Variants in KCNK9 observed in about 807,000 individuals in gnomAD.
KCNK9 encodes potassium channel subfamily K member 9.
A neutral mutation model predicts 10.8 loss-of-function variants in KCNK9; 1 was observed. The ratio of observed to expected loss-of-function variants is 0.09; its 90% CI spans 0.03 to 0.44. The LOEUF (loss-of-function observed/expected upper bound fraction) is 0.44. Ranked by LOEUF, KCNK9 falls within the 20% of genes least tolerant of loss-of-function variation. KCNK9 has a pLI of 0.97. For synonymous variants in KCNK9, 231 were observed against 222.7 expected (o/e 1.04, Z -0.33); for missense variants, 303 against 515.0 (o/e 0.59, Z 3.98).
Position 139,702,810 on chromosome 8 carries a change from C to T in KCNK9, c.183G>A (p.Gln61=). ...CCGACTGCAGGATCACCAGCTCCAG[C>T]TGCCGGTAGTCCTCGCTGCTGATGT... ...KYNISSEDYR[Q]LELVILQSEP... The change falls in exon 1 of 2, where the codon CAG becomes CAA. Residue 61 remains glutamine, a synonymous_variant. Transcript: ENST00000520439. This position sits in a 1 kb window ranked among gnomAD's most constrained non-coding sequence, Gnocchi z 7.5. 6.2e-7 allele frequency: 1 copy of T among 1,614,006 alleles called. No individual in the cohort carries two copies. Among genetic ancestry groups the T allele is most frequent in the Non-Finnish European group, 8.5e-7 (1 of 1,179,976 alleles).
At chr8:139,621,854 A>G (rs1456889672) in intron 1 of KCNK9, among the ~76,000 whole-genome samples, 1 of 152,208 alleles carries the variant, frequency 6.6e-6, no homozygotes, top group African/African-American at 2.4e-5. Context: ...ATGCTGGAGA[A>G]TAACAGGAGG....
chr8:139,698,243 C>A (rs939455465), intron 1 of KCNK9, among the ~76,000 whole-genome samples: 5 of 152,104 alleles, frequency 3.3e-5, no homozygotes, highest in African/African-American at 9.7e-5. Flanking sequence ...TGAGTGCATG[C>A]GTGTGGAGGC....
intron 1 of KCNK9, among the ~76,000 whole-genome samples, chr8:139,668,714 G>A (rs575720264): frequency 4.1e-4 from 63 of 152,326 alleles, no homozygotes; most frequent in Non-Finnish European, 7.1e-4. Context: ...GAGCCACCGC[G>A]CCCGTCGTGT....
At chr8:139,668,807 T>C (rs922029981) in intron 1 of KCNK9, among the ~76,000 whole-genome samples, 1 of 152,226 alleles carries the variant, frequency 6.6e-6, no homozygotes, top group Non-Finnish European at 1.5e-5. Context: ...CGTGGTGATC[T>C]TGAACTGAGC....
intron 1 of KCNK9, among the ~76,000 whole-genome samples, chr8:139,698,228 G>A (rs1390975922): frequency 1.3e-5 from 2 of 152,140 alleles, no homozygotes; most frequent in East Asian, 3.9e-4. Flanking sequence ...GTAAAGTGGG[G>A]GAGGTGAGTG....
chr8:139,638,874 A>C (rs1366139796), intron 1 of KCNK9, among the ~76,000 whole-genome samples: 6 of 152,206 alleles, frequency 3.9e-5, no homozygotes, highest in Admixed American at 2.6e-4. Flanking sequence ...AGAACGCAGG[A>C]GGCCTGGAGC....
intron 1 of KCNK9, among the ~76,000 whole-genome samples, chr8:139,670,294 AG>A (rs1816396967): frequency 6.6e-6 from 1 of 152,238 alleles, no homozygotes; most frequent in African/African-American, 2.4e-5. Flanking sequence ...ATAATGAAAA[AG>A]TTTGAAATAG....
rs146346262 is a variant in KCNK9 at position 139,665,908 on chromosome 8, G to A, written c.283+36802C>T. Among the ~76,000 whole-genome samples, 12 of 152,294 alleles carry A rather than the reference G, an allele frequency of 7.9e-5. No homozygotes were observed. In the East Asian group the frequency reaches 1.5e-3, roughly 20 times the overall value. ...GCCCACAAATGGCGTCAGTGTGGCC[G>A]AGCCTGAGAAGCTCAGCCCTAGAAC... On this transcript the variant is annotated intron_variant, in intron 1 of 1. Coordinates refer to ENST00000520439, the MANE Select transcript of KCNK9 (RefSeq NM_001282534.2).
At chr8:139,633,688 G>C (rs998847778) in intron 1 of KCNK9, among the ~76,000 whole-genome samples, 1 of 152,222 alleles carries the variant, frequency 6.6e-6, no homozygotes, top group Non-Finnish European at 1.5e-5. Context: ...GCAGAGCAGA[G>C]TGGAAAAACC....
At chr8:139,684,702 A>G (rs1816754035) in intron 1 of KCNK9, among the ~76,000 whole-genome samples, 1 of 152,220 alleles carries the variant, frequency 6.6e-6, no homozygotes, top group Non-Finnish European at 1.5e-5. Context: ...ATAAAACTAA[A>G]ATTGTCAGAA....
intron 1 of KCNK9, among the ~76,000 whole-genome samples, chr8:139,697,975 C>T (rs1817103434): frequency 6.6e-6 from 1 of 152,192 alleles, no homozygotes; most frequent in Admixed American, 6.5e-5. Context: ...GGAGGCCCCA[C>T]TCCTCTGGGC....
At chr8:139,699,101 A>G (rs746526712) in intron 1 of KCNK9, among the ~76,000 whole-genome samples, 5 of 152,190 alleles carry the variant, frequency 3.3e-5, no homozygotes, top group Admixed American at 1.3e-4. Context: ...CCCGATTTCA[A>G]ATTGTCCTCT....
At chr8:139,662,392 C>T (rs1316333481) in intron 1 of KCNK9, among the ~76,000 whole-genome samples, 9 of 152,082 alleles carry the variant, frequency 5.9e-5, no homozygotes, top group South Asian at 4.2e-4. Context: ...CAGTGTGAGG[C>T]GAAGGGGGAC....
In KCNK9 at chr8:139,618,399, G is replaced by C; in HGVS notation, c.984C>G (p.His328Gln). ...TCTCCTCGATCTTGTAAGAGATGGA[G>C]TGGAAGTAGTGGGGGGCAAGCTTGG... ...FSAKLAPHYFHSISYKIEEIS... is the reference protein window; with the variant it reads ...FSAKLAPHYFQSISYKIEEIS... The change falls in exon 2 of 2, where the codon CAC (histidine) becomes CAG (glutamine). Residue 328 changes from histidine to glutamine, a missense_variant. Physicochemically the swap from His to Gln is conservative, Grantham distance 24. Around this residue, in one of 5 missense-constraint regions of KCNK9, gnomAD observed 138 missense variants for 161.1 expected, o/e 0.86. Transcript: ENST00000520439. This position sits in a 1 kb window ranked among gnomAD's most constrained non-coding sequence, Gnocchi z 7.9. 1.9e-6 allele frequency: 3 copies of C among 1,614,164 alleles called. No individual in the cohort carries two copies. The highest frequency in any genetic ancestry group is 2.5e-6 in the Non-Finnish European group (3 of 1,180,042).
At chr8:139,636,793 C>T (rs1161126187) in intron 1 of KCNK9, among the ~76,000 whole-genome samples, 2 of 152,164 alleles carry the variant, frequency 1.3e-5, no homozygotes, top group African/African-American at 4.8e-5. Context: ...TTTGAACCTG[C>T]CCTTGTCCTA....
intron 1 of KCNK9, among the ~76,000 whole-genome samples, chr8:139,620,193 T>TAACA (rs1814734095): frequency 6.6e-6 from 1 of 152,290 alleles, no homozygotes; most frequent in South Asian, 2.1e-4. Flanking sequence ...ACTGTGGGAC[T>TAACA]AACACTACCC....
chr8:139,618,156 G>A lies in KCNK9; in HGVS notation c.*102C>T. The stretch of plus-strand genomic sequence containing the variant: ...AGGAAGGAGAGAAAGTAATAATGAT[G>A]ACAATAATAATAATAAATAAATAAG... On this transcript the variant is annotated 3_prime_UTR_variant, in exon 2 of 2. Coordinates refer to ENST00000520439, the MANE Select transcript of KCNK9 (RefSeq NM_001282534.2). This position sits in a 1 kb window ranked among gnomAD's most constrained non-coding sequence, Gnocchi z 7.9. The A allele has an allele frequency of 1.4e-6, 2 of 1,438,848 alleles. No individual in the cohort carries two copies. Among genetic ancestry groups the A allele is most frequent in the Non-Finnish European group, 1.9e-6 (2 of 1,042,370 alleles). The allele number at this position is 1,438,848 out of a possible 1,614,324, so 89.1% of individuals were successfully genotyped here.
At chr8:139,633,993 G>A (rs890690039) in intron 1 of KCNK9, among the ~76,000 whole-genome samples, 4 of 152,204 alleles carry the variant, frequency 2.6e-5, no homozygotes, top group Non-Finnish European at 4.4e-5. Flanking sequence ...TCTGCTCTCC[G>A]CCCCAGGGCA....
chr8:139,616,261 G>A (rs1182470584), downstream of KCNK9: 1 of 152,022 alleles, frequency 6.6e-6, no homozygotes, highest in Non-Finnish European at 1.5e-5. Context: ...TGACCCCCTA[G>A]AGTCAACAAT....
Sources: gnomAD v4.1 joint callset for allele counts (sites outside exome capture counted in the v4.1 genomes callset) on GRCh38, gnomAD v4.1.1 for gene constraint, gnomAD v4.1.1 regional missense constraint, Gnocchi (gnomAD v3.1) non-coding constraint, MANE v1.5 for transcripts, NCBI Gene and HGNC (gene_info 2026-07-23, HGNC 2026-07-21) for gene names.